CFAP299: variants seen among roughly 807,000 people sequenced by gnomAD.
CFAP299 encodes the protein cilia- and flagella-associated protein 299.
CFAP299 carries 21 observed loss-of-function variants against 27.0 expected under a neutral mutation model. The observed-to-expected ratio is 0.78, with a 90% CI of 0.55 to 1.12. CFAP299 has a LOEUF of 1.12. CFAP299 is among the 50% of genes most tolerant of loss of function. The pLI is 0.00. For synonymous variants in CFAP299, 104 were observed against 98.1 expected (o/e 1.06, Z -0.36); for missense variants, 310 against 276.6 (o/e 1.12, Z -0.86).
intron 3 of CFAP299, among the ~76,000 whole-genome samples, chr4:80,711,139 G>A (rs986156076): frequency 1.2e-4 from 18 of 152,332 alleles, no homozygotes; most frequent in African/African-American, 4.3e-4. Flanking sequence ...CAGAAAAACT[G>A]GAGAGTGGGG....
At chr4:80,705,438 A>G (rs1425582478) in intron 3 of CFAP299, among the ~76,000 whole-genome samples, 4 of 151,882 alleles carry the variant, frequency 2.6e-5, no homozygotes, top group East Asian at 1.9e-4. Flanking sequence ...AAAATGTTGC[A>G]TCCTGCTTAA....
chr4:80,474,387 G>A (rs941354403), intron 2 of CFAP299, among the ~76,000 whole-genome samples: 5 of 152,150 alleles, frequency 3.3e-5, no homozygotes, highest in Non-Finnish European at 7.4e-5. Flanking sequence ...GGTAAGTAAT[G>A]TGTTAAATGA....
At chr4:80,955,925 G>C (rs954097963) in intron 5 of CFAP299, among the ~76,000 whole-genome samples, 2 of 152,116 alleles carry the variant, frequency 1.3e-5, no homozygotes, top group African/African-American at 4.8e-5. Flanking sequence ...ACTTGAACCT[G>C]GGAGGCAGAG....
intron 4 of CFAP299, among the ~76,000 whole-genome samples, chr4:80,931,126 T>C (rs1165992205): frequency 2.0e-5 from 3 of 151,048 alleles, no homozygotes; most frequent in Non-Finnish European, 2.9e-5. Context: ...TGATTTTAAA[T>C]GAGAAAAGAC....
At chr4:80,876,503 A>G (rs1036254553) in intron 4 of CFAP299, among the ~76,000 whole-genome samples, 2 of 152,132 alleles carry the variant, frequency 1.3e-5, no homozygotes, top group Non-Finnish European at 2.9e-5. Context: ...GTGGAACTGT[A>G]AGTTAATTAG....
chr4:80,796,731 C>T (rs923180611), intron 3 of CFAP299, among the ~76,000 whole-genome samples: 1 of 152,156 alleles, frequency 6.6e-6, no homozygotes, highest in African/African-American at 2.4e-5. Flanking sequence ...AGTCAACACT[C>T]CTGCATCTTT....
At chr4:80,520,638 A>C (rs1379288235) in intron 2 of CFAP299, among the ~76,000 whole-genome samples, 4 of 152,182 alleles carry the variant, frequency 2.6e-5, no homozygotes, top group African/African-American at 9.6e-5. Context: ...GTGAGATGAA[A>C]CCTTGATTGT....
intron 4 of CFAP299, among the ~76,000 whole-genome samples, chr4:80,900,732 A>C (rs1248739850): frequency 6.6e-6 from 1 of 151,932 alleles, no homozygotes; most frequent in East Asian, 1.9e-4. Flanking sequence ...ATTTAGTAGG[A>C]TTCAATAAAT....
At chr4:80,592,283 T>G (rs556217978) in intron 3 of CFAP299, among the ~76,000 whole-genome samples, 1 of 152,224 alleles carries the variant, frequency 6.6e-6, no homozygotes, top group East Asian at 1.9e-4. Flanking sequence ...ATTTACAGAT[T>G]GTTCTGGATT....
chr4:80,860,655 G>A (rs1207272557), intron 3 of CFAP299, among the ~76,000 whole-genome samples: 2 of 152,178 alleles, frequency 1.3e-5, no homozygotes, highest in Non-Finnish European at 2.9e-5. Flanking sequence ...AGGTCTGTTG[G>A]AGTTTGCTAG....
At chr4:80,353,654 C>T (rs1196771006) in intron 1 of CFAP299, among the ~76,000 whole-genome samples, 1 of 152,126 alleles carries the variant, frequency 6.6e-6, no homozygotes, top group Non-Finnish European at 1.5e-5. Flanking sequence ...AGCTTGAAAT[C>T]TGTGGAGGTC....
At chr4:80,928,636 G>T (rs1000403882) in intron 4 of CFAP299, among the ~76,000 whole-genome samples, 5 of 152,080 alleles carry the variant, frequency 3.3e-5, no homozygotes, top group Non-Finnish European at 7.4e-5. Flanking sequence ...GCAGGAAGGA[G>T]AGAATATATT....
chr4:80,952,762 C>T (rs1737849575), intron 5 of CFAP299, among the ~76,000 whole-genome samples: 1 of 151,896 alleles, frequency 6.6e-6, no homozygotes, highest in East Asian at 1.9e-4. Flanking sequence ...GCTCCTCTCT[C>T]CTCTGTTCTG....
At chr4:80,662,941 CT>C (rs765072634) in intron 3 of CFAP299, among the ~76,000 whole-genome samples, 1 of 151,644 alleles carries the variant, frequency 6.6e-6, no homozygotes, top group Non-Finnish European at 1.5e-5. Flanking sequence ...TTAGGTGCTA[CT>C]TATCATTGAA....
At chr4:80,685,653 T>C (rs543643009) in intron 3 of CFAP299, among the ~76,000 whole-genome samples, 166 of 147,534 alleles carry the variant, frequency 1.1e-3, no homozygotes, top group African/African-American at 3.9e-3. Context: ...AGAGAGCAAA[T>C]TGGTATTAAA....
chr4:80,864,362 C>A (rs1732561800), intron 3 of CFAP299, among the ~76,000 whole-genome samples: 1 of 149,010 alleles, frequency 6.7e-6, no homozygotes. Context: ...TTCTGGATGC[C>A]ACAATAGTGG....
At chr4:80,951,244 A>G (rs1045787597) in intron 5 of CFAP299, among the ~76,000 whole-genome samples, 43 of 152,182 alleles carry the variant, frequency 2.8e-4, no homozygotes, top group Non-Finnish European at 5.1e-4. Context: ...AGAGACCCAT[A>G]GTTTCTATTG....
intron 1 of CFAP299, among the ~76,000 whole-genome samples, chr4:80,341,700 C>A (rs964332621): frequency 1.3e-5 from 2 of 152,204 alleles, no homozygotes; most frequent in African/African-American, 4.8e-5. Context: ...GTTAGATAAG[C>A]CACAAAATGT....
intron 5 of CFAP299, among the ~76,000 whole-genome samples, chr4:80,952,303 A>T (rs1419090050): frequency 6.6e-6 from 1 of 152,218 alleles, no homozygotes; most frequent in Non-Finnish European, 1.5e-5. Flanking sequence ...TCTTAAAAAA[A>T]ATTGAGGTTA....
Sources: gnomAD v4.1 joint callset for allele counts (sites outside exome capture counted in the v4.1 genomes callset) on GRCh38, gnomAD v4.1.1 for gene constraint, MANE v1.5 for transcripts, NCBI Gene and HGNC (gene_info 2026-07-23, HGNC 2026-07-21) for gene names.